Variants in HACD1 observed in about 807,000 individuals in gnomAD.
HACD1 encodes the protein very-long-chain (3R)-3-hydroxyacyl-CoA dehydratase 1.
A neutral mutation model predicts 32.0 loss-of-function variants in HACD1; 41 were observed. The ratio of observed to expected loss-of-function variants is 1.28; its 90% confidence interval spans 1.00 to 1.66. The LOEUF is 1.66. Ranked by LOEUF, HACD1 falls within the 40% of genes most tolerant of loss-of-function variation. The pLI is 0.00. For synonymous variants in HACD1, 142 were observed against 139.0 expected, an observed-to-expected ratio of 1.02 and a Z score of -0.15; for missense variants, 396 against 380.1, an observed-to-expected ratio of 1.04 and a Z score of -0.35.
chr10:17,612,100 C>T (rs77995603), intron 1 of HACD1, among the ~76,000 whole-genome samples: 1,251 of 109,282 alleles, frequency 0.011, 22 homozygotes, highest in African/African-American at 0.04. Flanking sequence ...AGCTAAACTC[C>T]ATCTCAAAAA....
At chr10:17,602,064 T>C (rs1014891104) in intron 4 of HACD1, among the ~76,000 whole-genome samples, 74 of 144,236 alleles carry the variant, frequency 5.1e-4, no homozygotes, top group African/African-American at 1.9e-3. Flanking sequence ...GTTCCTGTCA[T>C]GGGTTTAATT....
In HACD1 at chr10:17,603,709, T is replaced by C. The variant is rs782787902; in HGVS notation, c.394+17A>G. 4.4e-6 allele frequency: 7 copies of C among 1,604,706 alleles called. No individual in the cohort carries two copies. Among genetic ancestry groups the C allele is most frequent in the Admixed American group, 1.7e-5 (1 of 59,784 alleles). ...GGCAATTTATAATAAAAGTATAAAA[T>C]TGAAGCAAAAACTCACCAATTAAAC... On this transcript the variant is annotated intron_variant, in intron 3 of 6. Transcript: ENST00000361271.
At chr10:17,614,910 G>T (rs929079710) in intron 1 of HACD1, among the ~76,000 whole-genome samples, 2 of 151,976 alleles carry the variant, frequency 1.3e-5, no homozygotes, top group East Asian at 3.9e-4. Flanking sequence ...CCGCCATGGC[G>T]CCCGGCTAAT....
rs1833900757 is a variant in HACD1, at chr10:17,589,291, C to G, written c.*1073G>C. ...GTTATCATCATCATCATCATCATCA[C>G]TATTTTTCAGAGACAGGGTCTTGCT... On this transcript the variant is annotated 3_prime_UTR_variant, in exon 7 of 7. Coordinates refer to ENST00000361271, the MANE Select transcript of HACD1 (RefSeq NM_014241.4). 6.6e-6 allele frequency: 1 copy of G among 152,330 alleles called. No homozygotes were observed. The highest frequency in any genetic ancestry group is 1.9e-4 in the East Asian group (1 of 5,190). The allele number at this position is 152,330 out of a possible 1,614,324, so 9.4% of individuals were successfully genotyped here.
In HACD1 at chr10:17,604,037, G is replaced by T; in HGVS notation, c.268C>A (p.Leu90Ile). ...DIAMTAGWLV[L>I]AIAMVRFYME... ...TAAAAACGTACCATGGCAATAGCTA[G>T]AACCAACCACCTAAAAAAAAAAAGT... The change falls in exon 2 of 7, where the codon CTA becomes ATA. Residue 90 changes from leucine to isoleucine, a missense_variant. By Grantham distance (5) the Leu-to-Ile change is conservative (BLOSUM62 2). Coordinates refer to ENST00000361271, the MANE Select transcript of HACD1 (RefSeq NM_014241.4). 1.3e-6 allele frequency: 2 copies of T among 1,563,226 alleles called. No individual in the cohort carries two copies. The highest frequency in any genetic ancestry group is 1.7e-6 in the Non-Finnish European group (2 of 1,160,158).
chr10:17,614,531 C>A (rs772320582), intron 1 of HACD1, among the ~76,000 whole-genome samples: 2 of 151,798 alleles, frequency 1.3e-5, no homozygotes, highest in Non-Finnish European at 2.9e-5. Context: ...ACGTGAGCCA[C>A]CGTGCTCGGC....
chr10:17,592,478 A>G (rs1483806090), intron 6 of HACD1, among the ~76,000 whole-genome samples: 3 of 152,214 alleles, frequency 2.0e-5, no homozygotes, highest in African/African-American at 7.2e-5. Flanking sequence ...AATGCAGTGG[A>G]AAACATGTTC....
chr10:17,594,620 A>G (rs1373743529), intron 5 of HACD1, among the ~76,000 whole-genome samples: 1 of 152,156 alleles, frequency 6.6e-6, no homozygotes, highest in East Asian at 1.9e-4. Flanking sequence ...AATAGTATCA[A>G]CTTATTTTAG....
chr10:17,597,757 C>A (rs1206411193), intron 5 of HACD1, among the ~76,000 whole-genome samples: 3 of 152,122 alleles, frequency 2.0e-5, no homozygotes, highest in Non-Finnish European at 4.4e-5. Context: ...AAACTGCCAA[C>A]CTTTAAAAAG....
Position 17,603,622 on chromosome 10 carries a change from T to A in HACD1, c.421A>T (p.Thr141Ser). 1 of 1,613,486 alleles carries A rather than the reference T, an allele frequency of 6.2e-7. No homozygotes were observed. The highest frequency in any genetic ancestry group is 8.5e-7 in the Non-Finnish European group (1 of 1,179,550). Residue 141 changes from threonine to serine, a missense_variant, in exon 4 of 7, where the codon ACT becomes TCT. Thr to Ser is a moderately conservative substitution (Grantham distance 58). Transcript: ENST00000361271. Reference sequence around the variant, plus strand: ...ATTCTTGAACTCACTTGGACCCCAGTCACAATCACAGAAGTAGGTACAATT... The same window carrying A: ...ATTCTTGAACTCACTTGGACCCCAGACACAATCACAGAAGTAGGTACAATT... Reference protein sequence around the residue: ...IGIVPTSVIVTGVQVSSRIFM... With the variant: ...IGIVPTSVIVSGVQVSSRIFM...
rs188053884 is a variant in HACD1 at position 17,599,210 on chromosome 10, C to A, written c.605+80G>T. 143 of 1,556,910 alleles carry A rather than the reference C, an allele frequency of 9.2e-5. No individual in the cohort carries two copies. The East Asian group carries it at 2.5e-3, about 27-fold the overall frequency. On this transcript the variant is annotated intron_variant, in intron 5 of 6. Coordinates refer to ENST00000361271, the MANE Select transcript of HACD1 (RefSeq NM_014241.4). ...ATTCTGGCATCGTGGGGCTGAAACA[C>A]GAATTTTAATTCTCTGGCGTTAGCA...
At chr10:17,616,112 C>T (rs1833078299) in intron 1 of HACD1, 1 of 156,878 alleles carries the variant, frequency 6.4e-6, no homozygotes, top group African/African-American at 2.4e-5. Flanking sequence ...ACTAAAAATA[C>T]AAAAAAATTA....
At chr10:17,607,708 A>G (rs1554817167) in intron 1 of HACD1, among the ~76,000 whole-genome samples, 1 of 152,192 alleles carries the variant, frequency 6.6e-6, no homozygotes, top group African/African-American at 2.4e-5. Context: ...TGTACCACCT[A>G]GCATAGTATC....
intron 1 of HACD1, among the ~76,000 whole-genome samples, chr10:17,605,524 C>CG (rs200031618): frequency 1.2e-4 from 14 of 118,002 alleles, no homozygotes; most frequent in South Asian, 7.5e-4. Flanking sequence ...GACTCCATCT[C>CG]GGGAAAAAAA....
intron 1 of HACD1, among the ~76,000 whole-genome samples, chr10:17,610,351 A>G (rs1834215386): frequency 6.6e-6 from 1 of 152,190 alleles, no homozygotes; most frequent in Non-Finnish European, 1.5e-5. Flanking sequence ...CTCTTTCTGC[A>G]AGAAGTGCAA....
At chr10:17,593,222 T>C (rs534643441) in intron 6 of HACD1, among the ~76,000 whole-genome samples, 1 of 152,302 alleles carries the variant, frequency 6.6e-6, no homozygotes, top group South Asian at 2.1e-4. Context: ...CCAAGTTTTA[T>C]GCGCATCTCC....
intron 6 of HACD1, 97 bp from the exon 7 acceptor site, chr10:17,590,543 A>T: frequency 1.3e-6 from 1 of 795,300 alleles, no homozygotes; most frequent in Admixed American, 2.8e-5. Context: ...GAGTAAATAC[A>T]TCCCATACCA....
At chr10:17,607,910 A>C (rs1554817180) in intron 1 of HACD1, among the ~76,000 whole-genome samples, 1 of 152,226 alleles carries the variant, frequency 6.6e-6, no homozygotes, top group African/African-American at 2.4e-5. Context: ...AGTCTCTTTA[A>C]GGGTCCTATA....
In HACD1 at chr10:17,592,073, C is replaced by T. The variant is rs111773737; in HGVS notation, c.785-1627G>A. Among the ~76,000 whole-genome samples the T allele has an allele frequency of 9.4e-3, 1,390 of 147,648 alleles. 21 individuals are homozygous for T. Among genetic ancestry groups the T allele is most frequent in the African/African-American group, 0.033 (1,312 of 40,200 alleles). ...CTTGGCTCACTGCAACCTCTGCCTCCCCGGTTTCAGTGATTTTCCTGCATC... is the reference window on the plus strand; with the variant it reads ...CTTGGCTCACTGCAACCTCTGCCTCTCCGGTTTCAGTGATTTTCCTGCATC... On this transcript the variant is annotated intron_variant, in intron 6 of 6. Coordinates refer to ENST00000361271, the MANE Select transcript of HACD1 (RefSeq NM_014241.4).
Sources: gnomAD v4.1 joint callset for allele counts (sites outside exome capture counted in the v4.1 genomes callset) on GRCh38, gnomAD v4.1.1 for gene constraint, MANE v1.5 for transcripts, NCBI Gene and HGNC (gene_info 2026-07-23, HGNC 2026-07-21) for gene names.